PDE4C: variants seen among roughly 807,000 people sequenced by gnomAD.
The protein encoded by PDE4C is phosphodiesterase 4C.
A neutral mutation model predicts 63.9 loss-of-function variants in PDE4C; 50 were observed. That is an observed-to-expected ratio of 0.78 (90% CI 0.62 to 0.99). The LOEUF (loss-of-function observed/expected upper bound fraction) is 0.99. PDE4C is among the 50% of genes least tolerant of loss of function. The pLI, the probability that PDE4C is intolerant of heterozygous loss-of-function variation, is 0.00. For synonymous variants in PDE4C, 377 were observed against 385.1 expected, an observed-to-expected ratio of 0.98 and a Z score of 0.25; for missense variants, 777 against 899.1, an observed-to-expected ratio of 0.86 and a Z score of 1.74.
chr19:18,248,681 C>A (rs1011516242), upstream of PDE4C, among the ~76,000 whole-genome samples: 11 of 151,962 alleles, frequency 7.2e-5, no homozygotes, highest in Non-Finnish European at 4.4e-5. Context: ...CTTGGGGGCT[C>A]CAGGAAAGTT....
At chr19:18,229,231 G>C (rs549282304), upstream of PDE4C, among the ~76,000 whole-genome samples, 1 of 151,086 alleles carries the variant, frequency 6.6e-6, no homozygotes, top group South Asian at 2.1e-4. Flanking sequence ...TTACAGGCGT[G>C]AGCCACTGTC....
At chr19:18,235,266 G>T (rs369012873), upstream of PDE4C, among the ~76,000 whole-genome samples, 15 of 152,294 alleles carry the variant, frequency 9.8e-5, no homozygotes, top group East Asian at 1.5e-3. Context: ...TGCCTCCCAG[G>T]TTCAAGTGAT....
upstream of PDE4C, among the ~76,000 whole-genome samples, chr19:18,235,995 T>C (rs1334012255): frequency 6.6e-6 from 1 of 151,912 alleles, no homozygotes; most frequent in Non-Finnish European, 1.5e-5. Context: ...CAGGCTGGAG[T>C]GCAGTGGTGT....
chr19:18,210,716 G>T, exon 15 of PDE4C: 1 of 646,504 alleles, frequency 1.5e-6, no homozygotes, highest in Non-Finnish European at 2.4e-6. Flanking sequence ...CCCTTAGAGA[G>T]CTCTTTTAGG....
At chr19:18,247,613 A>C (rs1364399765) in intron 1 of PDE4C, among the ~76,000 whole-genome samples, 1 of 152,074 alleles carries the variant, frequency 6.6e-6, no homozygotes, top group African/African-American at 2.4e-5. Context: ...GGTATTTCTC[A>C]GTAGAGGGTC....
upstream of PDE4C, among the ~76,000 whole-genome samples, chr19:18,251,136 T>TC (rs1029187130): frequency 2.7e-4 from 35 of 130,332 alleles, no homozygotes; most frequent in Admixed American, 1.1e-3. Context: ...GTCTTTTTTT[T>TC]CCCCCCCGAG....
intron 1 of PDE4C, among the ~76,000 whole-genome samples, chr19:18,239,497 G>T (rs1969004610): frequency 6.6e-6 from 1 of 152,190 alleles, no homozygotes; most frequent in African/African-American, 2.4e-5. Flanking sequence ...TCCCTCAGAG[G>T]TGTTGATGAT....
chr19:18,213,744 A>G lies in PDE4C; in HGVS notation c.1390-254T>C, dbSNP rs570712452. 3.9e-4 allele frequency among the ~76,000 whole-genome samples: 60 copies of G among 152,168 alleles called. No individual in the cohort carries two copies. In the South Asian group the frequency reaches 8.7e-3, roughly 22 times the overall value. On this transcript the variant is annotated intron_variant, in intron 12 of 14. Transcript: ENST00000262805. ...TGTGACAGGGTGTAGTGGGGAGGTG[A>G]TCAAATCTGTGCGCCTGGGACTTGT...
chr19:18,213,112 C>T (rs1968033556), intron 13 of PDE4C, among the ~76,000 whole-genome samples: 1 of 150,852 alleles, frequency 6.6e-6, no homozygotes, highest in Non-Finnish European at 1.5e-5. Flanking sequence ...GAAACCCCGT[C>T]TCTACTAAAA....
intron 7 of PDE4C, among the ~76,000 whole-genome samples, chr19:18,219,870 C>T (rs1329837479): frequency 1.3e-5 from 2 of 152,066 alleles, no homozygotes; most frequent in African/African-American, 2.4e-5. Flanking sequence ...CTACCCCTCT[C>T]CTCTGTTCAC....
intron 1 of PDE4C, among the ~76,000 whole-genome samples, chr19:18,239,743 TG>T (rs1280139119): frequency 1.3e-5 from 2 of 151,982 alleles, no homozygotes; most frequent in African/African-American, 4.8e-5. Flanking sequence ...ACTGGGAAAC[TG>T]GCCAGGCGCG....
chr19:18,225,450 C>T (rs1185091060), intron 1 of PDE4C: 1 of 152,356 alleles, frequency 6.6e-6, no homozygotes, highest in East Asian at 1.9e-4. Flanking sequence ...GAACCACGGT[C>T]ATACCTTCTC....
At chr19:18,226,885 T>C (rs985924952), upstream of PDE4C, among the ~76,000 whole-genome samples, 4 of 151,950 alleles carry the variant, frequency 2.6e-5, no homozygotes, top group African/African-American at 9.7e-5. Context: ...GGATTATAGG[T>C]GTGAGCCATT....
rs898892849 is a variant in PDE4C at position 18,240,557 on chromosome 19, C to G, written c.-209-7157G>C. On this transcript the variant is annotated intron_variant, in intron 1 of 15. Transcript: ENST00000594617. ...CCCGGCCAACATGCTGAAACCCCAT[C>G]TGTACTGAAAATACAAAAAAGTTAG... Among the ~76,000 whole-genome samples the G allele has an allele frequency of 2.0e-5, 3 of 152,138 alleles. No homozygotes were observed. The South Asian group carries it at 6.2e-4, about 32-fold the overall frequency.
Position 18,220,141 on chromosome 19 carries a change from C to A in PDE4C, c.706+85G>T. 1 of 1,095,162 alleles carries A rather than the reference C, an allele frequency of 9.1e-7. No homozygotes were observed. Among genetic ancestry groups the A allele is most frequent in the Non-Finnish European group, 1.4e-6 (1 of 717,470 alleles). The allele number at this position is 1,095,162 out of a possible 1,614,324, so 67.8% of individuals were successfully genotyped here. On this transcript the variant is annotated intron_variant, in intron 7 of 14. Coordinates refer to ENST00000262805, the Ensembl canonical transcript of PDE4C. The surrounding 1 kb of genome is among the most constrained non-coding windows in gnomAD (Gnocchi z 5.1). ...TGTCTGTGTCTGGCTGTATCTCCCC[C>A]AGACTGAGGTCTATCATAGGAATCT...
upstream of PDE4C, among the ~76,000 whole-genome samples, chr19:18,233,931 G>A (rs1174662750): frequency 2.0e-5 from 3 of 152,192 alleles, no homozygotes. Flanking sequence ...GGTAGGCTCC[G>A]CGGTTCAGCC....
upstream of PDE4C, among the ~76,000 whole-genome samples, chr19:18,248,729 C>A (rs1485151601): frequency 2.0e-5 from 3 of 151,990 alleles, no homozygotes; most frequent in South Asian, 2.1e-4. Context: ...GATCAAAGAC[C>A]CTCTCTGGTC....
In PDE4C at chr19:18,220,846, C is replaced by G; in HGVS notation, c.499+28G>C. Reference sequence around the variant, plus strand: ...AAAGGAAGCTCCCAGCTGTCCTCAGCGGGGGAGGGAAGGAACAGGTACTTT... The same window carrying G: ...AAAGGAAGCTCCCAGCTGTCCTCAGGGGGGGAGGGAAGGAACAGGTACTTT... On this transcript the variant is annotated intron_variant, in intron 5 of 14. Coordinates refer to ENST00000262805, the Ensembl canonical transcript of PDE4C. This position sits in a 1 kb window ranked among gnomAD's most constrained non-coding sequence, Gnocchi z 5.1. 6.2e-7 allele frequency: 1 copy of G among 1,600,902 alleles called. No homozygotes were observed.
rs757687498 is a variant in PDE4C at position 18,233,141 on chromosome 19, A to T, written c.51T>A (p.Ser17Arg). 6.4e-6 allele frequency: 10 copies of T among 1,558,516 alleles called. No individual in the cohort carries two copies. In the South Asian group the frequency reaches 1.2e-4, roughly 18 times the overall value. The change falls in exon 1 of 15, where the codon AGT becomes AGA. Residue 17 changes from serine (S) to arginine (R), a missense_variant. Coordinates refer to the PDE4C transcript ENST00000594465. ...TCATGCTGTGGCGGCCGCGAGAGCG[A>T]CTCAACCTGCTGCAAGCCTCTGCCC...
Sources: allele counts gnomAD v4.1 joint callset (sites outside exome capture counted in the v4.1 genomes callset), GRCh38; gene constraint gnomAD v4.1.1; non-coding constraint Gnocchi (gnomAD v3.1); transcripts MANE v1.5; gene names NCBI Gene and HGNC (gene_info 2026-07-23, HGNC 2026-07-21).